Variants in CCDC7 observed in about 807,000 individuals in gnomAD.
CCDC7 encodes the protein coiled-coil domain-containing protein 7.
In CCDC7, 183 loss-of-function variants were observed where a neutral mutation model predicts 196.9. The ratio of observed to expected loss-of-function variants is 0.93; its 90% CI spans 0.82 to 1.05. The LOEUF (loss-of-function observed/expected upper bound fraction) is 1.05, where lower values mean the gene tolerates loss of function less well. CCDC7 is among the 50% of genes least tolerant of loss of function. The pLI is 0.00. For missense variants in CCDC7, 1,540 were observed against 1,482.2 expected, an observed-to-expected ratio of 1.04 and a Z score of -0.64; for synonymous variants, 525 against 484.6, an observed-to-expected ratio of 1.08 and a Z score of -1.10.
intron 31 of CCDC7, among the ~76,000 whole-genome samples, chr10:32,822,988 A>G (rs1324593281): frequency 1.3e-5 from 2 of 152,206 alleles, no homozygotes; most frequent in Non-Finnish European, 2.9e-5. Flanking sequence ...CTGATTTCTT[A>G]GTTCAAATGA....
chr10:32,492,997 T>G (rs928446551), intron 9 of CCDC7, among the ~76,000 whole-genome samples: 1 of 152,124 alleles, frequency 6.6e-6, no homozygotes, highest in Non-Finnish European at 1.5e-5. Flanking sequence ...AAATGTGATG[T>G]TTTTATATGT....
chr10:32,682,142 ATAGG>A (rs1481582401), intron 21 of CCDC7, among the ~76,000 whole-genome samples: 9 of 152,136 alleles, frequency 5.9e-5, no homozygotes, highest in African/African-American at 2.2e-4. Context: ...ATAGTACCCA[ATAGG>A]TAGTTTTTCA....
At chr10:32,603,491 T>C (rs916930723) in intron 18 of CCDC7, among the ~76,000 whole-genome samples, 3 of 152,020 alleles carry the variant, frequency 2.0e-5, no homozygotes, top group Non-Finnish European at 4.4e-5. Context: ...GATCATATTG[T>C]AGTTATATTT....
rs750665919 is a variant in CCDC7, at chr10:32,814,401, T to A, written c.3129T>A (p.Phe1043Leu). ...ATATAGAACAATTGACAGATGCATT[T>A]GGAAGAGATATACTAAAGGATGAAT... is the stretch of plus-strand genomic sequence containing the variant. Residue 1043 changes from phenylalanine to leucine, a missense_variant, in exon 31 of 42, where the codon TTT (phenylalanine) becomes TTA (leucine). Physicochemically the swap from Phe to Leu is conservative, Grantham distance 22. Coordinates refer to ENST00000639629, the Ensembl canonical transcript of CCDC7. 6 of 1,612,254 alleles carry A rather than the reference T, an allele frequency of 3.7e-6. No homozygotes were observed. The African/African-American group carries it at 6.7e-5, about 18-fold the overall frequency.
chr10:32,523,625 A>G (rs940450638), intron 11 of CCDC7, among the ~76,000 whole-genome samples: 2 of 151,680 alleles, frequency 1.3e-5, no homozygotes, highest in Non-Finnish European at 2.9e-5. Context: ...CTTTAGCTCT[A>G]ATAATATTTG....
intron 13 of CCDC7, among the ~76,000 whole-genome samples, chr10:32,558,143 G>A (rs1263489026): frequency 6.6e-6 from 1 of 152,020 alleles, no homozygotes; most frequent in African/African-American, 2.4e-5. Flanking sequence ...TTTGCTCATT[G>A]TCTTTTATCT....
chr10:32,695,039 C>T, intron 24 of CCDC7, 47 bp downstream of exon 25: 1 of 993,426 alleles, frequency 1.0e-6, no homozygotes, highest in Non-Finnish European at 1.4e-6. Context: ...AAGTTAATCT[C>T]ATTAGATCAT....
exon 6 of CCDC7, chr10:32,471,170 T>G (rs370673442): frequency 6.8e-6 from 11 of 1,612,780 alleles, no homozygotes; most frequent in Non-Finnish European, 9.3e-6. Flanking sequence ...TTTGAAGAAC[T>G]GAAGAATCGC....
At chr10:32,656,215 A>G (rs1338895848) in intron 20 of CCDC7, among the ~76,000 whole-genome samples, 1 of 152,212 alleles carries the variant, frequency 6.6e-6, no homozygotes, top group African/African-American at 2.4e-5. Flanking sequence ...AATTACCATC[A>G]GATCCAGCAG....
At chr10:32,526,199 G>A (rs2048647190) in intron 11 of CCDC7, among the ~76,000 whole-genome samples, 1 of 152,216 alleles carries the variant, frequency 6.6e-6, no homozygotes, top group Admixed American at 6.5e-5. Context: ...CACCACAAAT[G>A]GGTCATGAGG....
At chr10:32,479,935 G>A (rs1019523224) in intron 8 of CCDC7, among the ~76,000 whole-genome samples, 4 of 151,362 alleles carry the variant, frequency 2.6e-5, no homozygotes, top group African/African-American at 4.9e-5. Context: ...TTTAGTCTTG[G>A]TGGGTTGTAT....
intron 18 of CCDC7, among the ~76,000 whole-genome samples, chr10:32,613,767 G>T (rs968567636): frequency 6.6e-5 from 10 of 151,670 alleles, no homozygotes; most frequent in African/African-American, 1.9e-4. Context: ...ATTGCATTGT[G>T]GTGATTTCTG....
chr10:32,794,164 T>A (rs985078666), intron 29 of CCDC7, among the ~76,000 whole-genome samples: 2 of 152,200 alleles, frequency 1.3e-5, no homozygotes, highest in Non-Finnish European at 1.5e-5. Flanking sequence ...CCCATCCTTG[T>A]GTCCACATTG....
chr10:32,760,204 A>G (rs866422911), intron 28 of CCDC7, among the ~76,000 whole-genome samples: 2,158 of 152,130 alleles, frequency 0.014, 32 homozygotes, highest in Middle Eastern at 0.027. Context: ...TCAGGGATCT[A>G]GAACTAGAAA....
chr10:32,591,498 T>C (rs948232203), intron 18 of CCDC7, among the ~76,000 whole-genome samples: 28 of 149,028 alleles, frequency 1.9e-4, no homozygotes, highest in African/African-American at 6.8e-4. Context: ...TCCTTTTTGC[T>C]TGTTTTTTTG....
chr10:32,503,403 G>A (rs1166339099), intron 9 of CCDC7, among the ~76,000 whole-genome samples: 1 of 152,046 alleles, frequency 6.6e-6, no homozygotes, highest in Non-Finnish European at 1.5e-5. Context: ...ATGATCATAT[G>A]GTTTTGTCTT....
intron 13 of CCDC7, among the ~76,000 whole-genome samples, chr10:32,559,355 G>A (rs1297169278): frequency 1.3e-5 from 2 of 152,232 alleles, no homozygotes; most frequent in South Asian, 2.1e-4. Context: ...ATCTGAGAAC[G>A]GACAGACTGC....
At chr10:32,525,761 C>T (rs1194887815) in intron 11 of CCDC7, among the ~76,000 whole-genome samples, 1 of 152,210 alleles carries the variant, frequency 6.6e-6, no homozygotes, top group African/African-American at 2.4e-5. Context: ...TTTGCAGACT[C>T]TTAGAGGTAT....
exon 32 of CCDC7, chr10:32,824,602 C>T: frequency 6.2e-7 from 1 of 1,602,616 alleles, no homozygotes; most frequent in Non-Finnish European, 8.5e-7. Context: ...AAGAGTTACC[C>T]TGGTAAGAAT....
Sources: allele counts gnomAD v4.1 joint callset (sites outside exome capture counted in the v4.1 genomes callset), GRCh38; gene constraint gnomAD v4.1.1; transcripts MANE v1.5; gene names NCBI Gene and HGNC (gene_info 2026-07-23, HGNC 2026-07-21).